SVOP: variants seen among roughly 807,000 people sequenced by gnomAD.
SVOP encodes SV2 related protein.
A neutral mutation model predicts 69.1 loss-of-function variants in SVOP; 17 were observed. That is an observed-to-expected ratio of 0.25 (90% CI 0.17 to 0.37). SVOP has a LOEUF of 0.37. Ranked by LOEUF, SVOP falls within the 10% of genes least tolerant of loss-of-function variation. The probability of loss-of-function intolerance (pLI) is 1.00; values close to 1 mark genes in which losing one functional copy is unlikely to be tolerated. For synonymous variants in SVOP, 238 were observed against 238.6 expected, an observed-to-expected ratio of 1.00 and a Z score of 0.02; for missense variants, 435 against 597.5, an observed-to-expected ratio of 0.73 and a Z score of 2.84.
chr12:108,919,629 C>A lies in SVOP; in HGVS notation c.1268+46G>T, dbSNP rs2039736493. ...GCCTGCACCCACACCTGCACCCACA[C>A]CTCCACCTGTGCTCAAACTCATACC... On this transcript the variant is annotated intron_variant, in intron 13 of 15. Coordinates refer to ENST00000610966, the MANE Select transcript of SVOP (RefSeq NM_018711.5). 3 of 1,493,068 alleles carry A rather than the reference C, an allele frequency of 2.0e-6. 1 individual carries two copies. In the South Asian group the frequency reaches 3.6e-5, roughly 18 times the overall value. The allele number at this position is 1,493,068 out of a possible 1,614,324, so 92.5% of individuals were successfully genotyped here.
In SVOP at chr12:108,972,484, G is replaced by A. The variant is rs576985266; in HGVS notation, c.382-8C>T. ...CATGCCTACAAAGACCACCTGTGGG[G>A]GGAAAGACAGTTGTCATTAGACAGA... On this transcript the variant is annotated splice_region_variant and splice_polypyrimidine_tract_variant and intron_variant, in intron 4 of 15. Coordinates refer to ENST00000610966, the MANE Select transcript of SVOP (RefSeq NM_018711.5). 2.0e-6 allele frequency: 3 copies of A among 1,537,208 alleles called. No individual in the cohort carries two copies. The highest frequency in any genetic ancestry group is 1.4e-5 in the African/African-American group (1 of 73,172).
chr12:108,953,150 T>C (rs1454547441), intron 6 of SVOP, among the ~76,000 whole-genome samples: 7 of 131,224 alleles, frequency 5.3e-5, no homozygotes, highest in African/African-American at 1.8e-4. Flanking sequence ...TTTTTTTTTT[T>C]TTCTTTTTTT....
At chr12:108,927,261 C>G (rs2039786163) in intron 11 of SVOP, among the ~76,000 whole-genome samples, 1 of 152,160 alleles carries the variant, frequency 6.6e-6, no homozygotes, top group African/African-American at 2.4e-5. Context: ...CCTCTGCTAG[C>G]ACCTGTGGGA....
intron 2 of SVOP, among the ~76,000 whole-genome samples, chr12:108,981,480 A>G (rs1000082911): frequency 7.2e-5 from 11 of 152,212 alleles, no homozygotes; most frequent in Non-Finnish European, 1.3e-4. Context: ...TTCATCCATC[A>G]GCAACAAGAA....
intron 5 of SVOP, among the ~76,000 whole-genome samples, chr12:108,971,540 A>C (rs1319707957): frequency 1.3e-5 from 2 of 152,176 alleles, no homozygotes; most frequent in African/African-American, 4.8e-5. Flanking sequence ...CTGAGCTGTA[A>C]GTTCCCTCTT....
chr12:108,997,330 A>AT (rs1566065756), intron 1 of SVOP, among the ~76,000 whole-genome samples: 3 of 151,988 alleles, frequency 2.0e-5, no homozygotes, highest in African/African-American at 7.2e-5. Context: ...AGTCTCGCTG[A>AT]TTGCTAGCAC....
intron 1 of SVOP, among the ~76,000 whole-genome samples, chr12:109,008,390 G>A (rs1185359410): frequency 2.6e-4 from 40 of 152,198 alleles, no homozygotes; most frequent in Admixed American, 2.6e-3. Context: ...GATGGGGTGT[G>A]AGGGGTTGGA....
chr12:108,973,295 G>C (rs1466996360), intron 4 of SVOP, among the ~76,000 whole-genome samples: 1 of 152,196 alleles, frequency 6.6e-6, no homozygotes, highest in East Asian at 1.9e-4. Context: ...GACCCAAAAA[G>C]CATTTCTTGT....
At chr12:108,972,506 C>G (rs534483912) in intron 4 of SVOP, 30 bp from the exon 5 acceptor site, 16 of 1,534,800 alleles carry the variant, frequency 1.0e-5, no homozygotes, top group Non-Finnish European at 1.4e-5. Flanking sequence ...TGTCATTAGA[C>G]AGAGGATGTG....
At chr12:108,929,967 T>C (rs375444293) in intron 11 of SVOP, among the ~76,000 whole-genome samples, 4 of 137,780 alleles carry the variant, frequency 2.9e-5, no homozygotes, top group East Asian at 2.3e-4. Context: ...GTGGGCTTGT[T>C]CTACAGTTTT....
chr12:108,982,028 CCAT>C (rs1406776847), intron 2 of SVOP, among the ~76,000 whole-genome samples: 10 of 150,466 alleles, frequency 6.6e-5, no homozygotes, highest in African/African-American at 2.4e-4. Flanking sequence ...ATCATCACCA[CCAT>C]CATCATCACT....
At chr12:108,946,018 C>A (rs963342302) in intron 6 of SVOP, among the ~76,000 whole-genome samples, 2 of 152,190 alleles carry the variant, frequency 1.3e-5, no homozygotes, top group Non-Finnish European at 1.5e-5. Flanking sequence ...CCCATAGAAC[C>A]TCTACCCACC....
chr12:108,957,206 G>A (rs2039990316), intron 6 of SVOP, among the ~76,000 whole-genome samples: 7 of 152,046 alleles, frequency 4.6e-5, no homozygotes, highest in Admixed American at 3.9e-4. Flanking sequence ...CTCTGTCGCC[G>A]AGGCTGGATA....
intron 13 of SVOP, 87 bp from the exon 14 acceptor site, chr12:108,918,211 C>A: frequency 9.1e-7 from 1 of 1,103,194 alleles, no homozygotes; most frequent in South Asian, 1.8e-5. Context: ...GTATCAATGC[C>A]CTAGCAATTG....
At chr12:108,936,023 T>TACACACAC (rs144380662) in intron 10 of SVOP, among the ~76,000 whole-genome samples, 3,333 of 144,634 alleles carry the variant, frequency 0.023, 131 homozygotes, top group African/African-American at 0.076. Context: ...ATAGTATAAA[T>TACACACAC]ACACACACAC....
At chr12:108,963,227 G>C (rs775967940) in intron 5 of SVOP, among the ~76,000 whole-genome samples, 5 of 152,094 alleles carry the variant, frequency 3.3e-5, no homozygotes, top group African/African-American at 4.8e-5. Flanking sequence ...GAACACTTCA[G>C]GGGGCAAGTA....
At chr12:108,999,163 T>C (rs1343138554) in intron 1 of SVOP, among the ~76,000 whole-genome samples, 2 of 114,718 alleles carry the variant, frequency 1.7e-5, no homozygotes, top group Admixed American at 1.9e-4. Flanking sequence ...GTTGCAATCC[T>C]AGTCTCTGAT....
At chr12:109,020,751 T>TGGGGGGGGGGG in intron 1 of SVOP, 83 bp downstream of exon 1, 1 of 398,290 alleles carries the variant, frequency 2.5e-6, no homozygotes, top group Non-Finnish European at 4.8e-6. Flanking sequence ...CATGCAGAGA[T>TGGGGGGGGGGG]GTACCCCCCC....
chr12:108,930,677 C>T lies in SVOP; in HGVS notation c.1048+3518G>A, dbSNP rs935462175. 4.7e-4 allele frequency among the ~76,000 whole-genome samples: 71 copies of T among 152,126 alleles called. 1 individual carries two copies. The highest frequency in any genetic ancestry group is 1.7e-3 in the African/African-American group (69 of 41,412). ...CCTGAACTCCTGACCTCAGGTGATC[C>T]TCCCACCTCGGCTCCCAAAGTCCTG... On this transcript the variant is annotated intron_variant, in intron 11 of 15. Coordinates refer to ENST00000610966, the MANE Select transcript of SVOP (RefSeq NM_018711.5).
Sources: gnomAD v4.1 joint callset for allele counts (sites outside exome capture counted in the v4.1 genomes callset) on GRCh38, gnomAD v4.1.1 for gene constraint, MANE v1.5 for transcripts, NCBI Gene and HGNC (gene_info 2026-07-23, HGNC 2026-07-21) for gene names.